IGF2BP2: variants seen among roughly 807,000 people sequenced by gnomAD.
IGF2BP2 encodes the protein insulin like growth factor 2 mRNA binding protein 2.
In IGF2BP2, 17 loss-of-function variants were observed where a neutral mutation model predicts 75.8. The ratio of observed to expected loss-of-function variants is 0.22; its 90% CI spans 0.15 to 0.34. The LOEUF is 0.34. IGF2BP2 is among the 10% of genes least tolerant of loss of function. The pLI is 1.00. For synonymous variants in IGF2BP2, 288 were observed against 295.6 expected, an observed-to-expected ratio of 0.97 and a Z score of 0.26; for missense variants, 516 against 772.4, an observed-to-expected ratio of 0.67 and a Z score of 3.93.
intron 4 of IGF2BP2, among the ~76,000 whole-genome samples, chr3:185,695,012 G>A (rs149847959): frequency 0.013 from 2,023 of 152,188 alleles, 14 homozygotes; most frequent in Non-Finnish European, 0.02. Context: ...GCTTGAACCC[G>A]GGAGGTGGAG....
At chr3:185,719,021 T>C (rs780719797) in intron 2 of IGF2BP2, among the ~76,000 whole-genome samples, 12 of 152,140 alleles carry the variant, frequency 7.9e-5, no homozygotes, top group Non-Finnish European at 1.2e-4. Flanking sequence ...GGTAGGACTA[T>C]GATGGTCAGA....
In IGF2BP2 at chr3:185,824,907, G is replaced by A. The variant is rs751518961; in HGVS notation, c.54C>T (p.Asp18=). The A allele has an allele frequency of 1.7e-5, 26 of 1,571,808 alleles. No individual in the cohort carries two copies. Among genetic ancestry groups the A allele is most frequent in the East Asian group, 4.9e-5 (2 of 40,766 alleles). ...GNLSPAVTAD[D]LRQLFGDRKL... Reference sequence around the variant, plus strand: ...TCCTGTCCCCAAAGAGCTGCCGGAGGTCGTCGGCGGTGACGGCGGGGCTCA... The same window carrying A: ...TCCTGTCCCCAAAGAGCTGCCGGAGATCGTCGGCGGTGACGGCGGGGCTCA... The change falls in exon 1 of 16, where the codon GAC becomes GAT. Residue 18 remains aspartate, a synonymous_variant. Coordinates refer to ENST00000382199, the MANE Select transcript of IGF2BP2 (RefSeq NM_006548.6).
intron 2 of IGF2BP2, 93 bp from the exon 3 acceptor site, chr3:185,698,440 G>T: frequency 8.6e-7 from 1 of 1,164,114 alleles, no homozygotes; most frequent in South Asian, 1.3e-5. Flanking sequence ...ATTTGAATTT[G>T]TTTTCTCACT....
intron 10 of IGF2BP2, among the ~76,000 whole-genome samples, chr3:185,669,683 T>C (rs1718223302): frequency 6.6e-6 from 1 of 152,078 alleles, no homozygotes; most frequent in Admixed American, 6.6e-5. Context: ...ACAGACTCCC[T>C]GACCTTTGGA....
intron 11 of IGF2BP2, among the ~76,000 whole-genome samples, chr3:185,657,647 C>T (rs544084001): frequency 1.3e-5 from 2 of 152,350 alleles, no homozygotes; most frequent in South Asian, 4.1e-4. Flanking sequence ...TTGAGCTTCT[C>T]AATTTGTTGG....
Position 185,677,026 on chromosome 3 carries a change from GAT to G in IGF2BP2, c.813-1115_813-1114del, listed in dbSNP as rs1245783214. ...TGGAGAGATTATATATATGGAGAGA[GAT>G]ATATATATATATGGAGATATATATA... is the stretch of plus-strand genomic sequence containing the variant. On this transcript the variant is annotated intron_variant, in intron 7 of 15. Coordinates refer to ENST00000382199, the MANE Select transcript of IGF2BP2 (RefSeq NM_006548.6). 5.3e-4 allele frequency among the ~76,000 whole-genome samples: 43 copies of G among 81,304 alleles called. No homozygotes were observed. In the East Asian group the frequency reaches 6.9e-3, roughly 13 times the overall value. The allele number at this position is 81,304 out of a possible 152,430, so 53.3% of individuals were successfully genotyped here.
At chr3:185,785,804 C>T (rs2149825657) in intron 2 of IGF2BP2, among the ~76,000 whole-genome samples, 2 of 152,296 alleles carry the variant, frequency 1.3e-5, no homozygotes, top group South Asian at 4.1e-4. Context: ...CAAAGGGAGA[C>T]CCGCCTCTTT....
At chr3:185,687,847 G>A (rs1198698442) in intron 6 of IGF2BP2, among the ~76,000 whole-genome samples, 1 of 151,898 alleles carries the variant, frequency 6.6e-6, no homozygotes, top group African/African-American at 2.4e-5. Flanking sequence ...TTGTTAGAAA[G>A]CCTAGAGCCA....
chr3:185,704,511 G>A (rs1405629462), intron 2 of IGF2BP2, among the ~76,000 whole-genome samples: 1 of 152,058 alleles, frequency 6.6e-6, no homozygotes, highest in Non-Finnish European at 1.5e-5. Context: ...GTGCAGTGGC[G>A]TGATCTCAGC....
chr3:185,721,990 T>C (rs1010139519), intron 2 of IGF2BP2: 5 of 260,560 alleles, frequency 1.9e-5, no homozygotes, highest in African/African-American at 1.2e-4. Flanking sequence ...CTTAGAAACT[T>C]TCAGGTGGCA....
intron 6 of IGF2BP2, among the ~76,000 whole-genome samples, chr3:185,688,073 C>T (rs985596618): frequency 1.3e-4 from 20 of 152,256 alleles, no homozygotes; most frequent in African/African-American, 4.8e-4. Context: ...TATTTCCTCA[C>T]TTCTAAGATG....
At chr3:185,797,082 G>C (rs1332645490) in intron 2 of IGF2BP2, among the ~76,000 whole-genome samples, 1 of 152,108 alleles carries the variant, frequency 6.6e-6, no homozygotes, top group Non-Finnish European at 1.5e-5. Context: ...TTTCTGCTTA[G>C]GTATCTACCA....
chr3:185,790,145 G>A (rs1736448736), intron 2 of IGF2BP2, among the ~76,000 whole-genome samples: 1 of 152,144 alleles, frequency 6.6e-6, no homozygotes, highest in Non-Finnish European at 1.5e-5. Flanking sequence ...ACCCTGGACT[G>A]CTTCCTCGTC....
At chr3:185,763,154 TA>T (rs956155484) in intron 2 of IGF2BP2, among the ~76,000 whole-genome samples, 2 of 152,112 alleles carry the variant, frequency 1.3e-5, no homozygotes, top group African/African-American at 4.8e-5. Flanking sequence ...GTATTTTTTT[TA>T]AAAAAACTTC....
In IGF2BP2 at chr3:185,748,268, G is replaced by A. The variant is rs551678189; in HGVS notation, c.240-49921C>T. The stretch of plus-strand genomic sequence containing the variant: ...CACAGGAGCAAAGAGGTAGAGGAAG[G>A]AACTGGGGGGTTACATAATGGATAC... On this transcript the variant is annotated intron_variant, in intron 2 of 15. Coordinates refer to ENST00000382199, the MANE Select transcript of IGF2BP2 (RefSeq NM_006548.6). 2.6e-5 allele frequency among the ~76,000 whole-genome samples: 4 copies of A among 152,286 alleles called. No homozygotes were observed. In the South Asian group the frequency reaches 8.3e-4, roughly 32 times the overall value.
At chr3:185,736,570 T>C (rs1344155874) in intron 2 of IGF2BP2, among the ~76,000 whole-genome samples, 1 of 152,194 alleles carries the variant, frequency 6.6e-6, no homozygotes, top group African/African-American at 2.4e-5. Flanking sequence ...TGACATTTCC[T>C]CCACTGGAAT....
chr3:185,665,271 G>GAA (rs1717170444), intron 10 of IGF2BP2, among the ~76,000 whole-genome samples: 1 of 145,746 alleles, frequency 6.9e-6, no homozygotes, highest in South Asian at 2.2e-4. Flanking sequence ...AGGAGGAGGA[G>GAA]GAGAAGGAGA....
At chr3:185,726,424 G>A (rs147254206) in intron 2 of IGF2BP2, among the ~76,000 whole-genome samples, 25 of 152,248 alleles carry the variant, frequency 1.6e-4, no homozygotes, top group East Asian at 1.5e-3. Flanking sequence ...GTCTGGAAGC[G>A]GGAAGCAGTA....
intron 2 of IGF2BP2, among the ~76,000 whole-genome samples, chr3:185,748,199 C>T (rs1428550375): frequency 2.6e-5 from 4 of 152,164 alleles, no homozygotes; most frequent in Non-Finnish European, 4.4e-5. Flanking sequence ...CCACCATGCC[C>T]GGCCACCTAT....
Sources: allele counts gnomAD v4.1 joint callset (sites outside exome capture counted in the v4.1 genomes callset), GRCh38; gene constraint gnomAD v4.1.1; transcripts MANE v1.5; gene names NCBI Gene and HGNC (gene_info 2026-07-23, HGNC 2026-07-21).